Variants in OLA1 observed in about 807,000 individuals in gnomAD.
The protein encoded by OLA1 is Obg like ATPase 1.
In OLA1, 14 loss-of-function variants were observed where a neutral mutation model predicts 48.4. The observed-to-expected ratio is 0.29, with a 90% CI of 0.19 to 0.45. OLA1 has a LOEUF of 0.45. Among genes scored for constraint, OLA1 ranks in the 20% least tolerant of loss-of-function variants. The probability of loss-of-function intolerance (pLI) is 1.00; values close to 1 mark genes in which losing one functional copy is unlikely to be tolerated. For synonymous variants in OLA1, 127 were observed against 150.4 expected, an observed-to-expected ratio of 0.84 and a Z score of 1.14; for missense variants, 325 against 467.1, an observed-to-expected ratio of 0.70 and a Z score of 2.80.
At chr2:174,186,262 G>A (rs184229155) in intron 4 of OLA1, among the ~76,000 whole-genome samples, 21 of 152,192 alleles carry the variant, frequency 1.4e-4, no homozygotes, top group Non-Finnish European at 2.6e-4. Context: ...AGTTTGTATG[G>A]AAAAAATAAA....
chr2:174,221,222 G>A (rs1445519312), intron 4 of OLA1, among the ~76,000 whole-genome samples: 1 of 151,862 alleles, frequency 6.6e-6, no homozygotes, highest in East Asian at 1.9e-4. Flanking sequence ...TCTTTAGCCT[G>A]ACTTAAATAC....
chr2:174,149,691 G>A (rs1308216012), intron 4 of OLA1, among the ~76,000 whole-genome samples: 1 of 152,130 alleles, frequency 6.6e-6, no homozygotes, highest in African/African-American at 2.4e-5. Flanking sequence ...CATTCTGCAT[G>A]CTACTTATTT....
intron 4 of OLA1, among the ~76,000 whole-genome samples, chr2:174,195,772 T>C (rs983065288): frequency 2.0e-5 from 3 of 152,210 alleles, no homozygotes; most frequent in African/African-American, 7.2e-5. Flanking sequence ...ACCTTTTACC[T>C]GTTATTAAAA....
intron 4 of OLA1, among the ~76,000 whole-genome samples, chr2:174,162,453 G>A (rs1687032168): frequency 6.6e-6 from 1 of 152,104 alleles, no homozygotes; most frequent in Non-Finnish European, 1.5e-5. Context: ...TCCCATACCA[G>A]GCTACGAAGG....
chr2:174,119,272 T>C (rs1685854349), intron 7 of OLA1, among the ~76,000 whole-genome samples: 1 of 152,068 alleles, frequency 6.6e-6, no homozygotes, highest in Non-Finnish European at 1.5e-5. Context: ...CAAAAAATTA[T>C]TTGAAATCCT....
intron 4 of OLA1, among the ~76,000 whole-genome samples, chr2:174,150,833 C>A (rs1244162160): frequency 1.3e-5 from 2 of 152,034 alleles, no homozygotes; most frequent in African/African-American, 2.4e-5. Flanking sequence ...AAAGGGAGAG[C>A]AATATTCACT....
chr2:174,114,726 G>A (rs1302691850), intron 7 of OLA1, among the ~76,000 whole-genome samples: 1 of 152,164 alleles, frequency 6.6e-6, no homozygotes, highest in African/African-American at 2.4e-5. Context: ...TTAAAGTACT[G>A]AAAAGGCACT....
At chr2:174,132,951 A>C (rs948144711) in intron 5 of OLA1, among the ~76,000 whole-genome samples, 3 of 141,868 alleles carry the variant, frequency 2.1e-5, no homozygotes, top group Non-Finnish European at 4.8e-5. Context: ...TTAGTACTAC[A>C]GTTTTTGTTT....
rs143063656 is a variant in OLA1 at position 174,243,479 on chromosome 2, G to T, written c.101+3236C>A. Among the ~76,000 whole-genome samples the T allele has an allele frequency of 3.8e-3, 581 of 152,238 alleles. 2 individuals carry two copies. Among genetic ancestry groups the T allele is most frequent in the African/African-American group, 0.013 (555 of 41,546 alleles). ...ACTAAATCTACATCCAGCCGTCAAAGGGGAAATATGTATCCCATTAACAAA... is the reference window on the plus strand; with the variant it reads ...ACTAAATCTACATCCAGCCGTCAAATGGGAAATATGTATCCCATTAACAAA... On this transcript the variant is annotated intron_variant, in intron 2 of 10. Transcript: ENST00000284719.
chr2:174,162,915 C>T (rs1261097155), intron 4 of OLA1, among the ~76,000 whole-genome samples: 1 of 151,980 alleles, frequency 6.6e-6, no homozygotes, highest in Non-Finnish European at 1.5e-5. Context: ...TGTGGTGGAA[C>T]GTGTATGTAG....
intron 4 of OLA1, among the ~76,000 whole-genome samples, chr2:174,217,087 A>T (rs1260987473): frequency 1.3e-5 from 2 of 152,200 alleles, no homozygotes; most frequent in Admixed American, 6.5e-5. Flanking sequence ...TTTGGAATCA[A>T]GTTTAACAAA....
rs555306519 is a variant in OLA1 at position 174,184,639 on chromosome 2, T to C, written c.373+38394A>G. Among the ~76,000 whole-genome samples the C allele has an allele frequency of 2.6e-5, 4 of 152,326 alleles. No homozygotes were observed. In the South Asian group the frequency reaches 8.3e-4, roughly 32 times the overall value. ...AGTTTAGTTAACAGCAATATACCAA[T>C]GTTGGTTCCTTAGTTTTGACAAATG... On this transcript the variant is annotated intron_variant, in intron 4 of 10. Coordinates refer to ENST00000284719, the MANE Select transcript of OLA1 (RefSeq NM_013341.5).
chr2:174,131,861 T>C (rs191987220), intron 5 of OLA1, among the ~76,000 whole-genome samples: 123 of 152,226 alleles, frequency 8.1e-4, no homozygotes, highest in African/African-American at 2.4e-3. Context: ...GATTCACCTA[T>C]AATTTTTCTC....
intron 1 of OLA1, chr2:174,248,008 T>C (rs1689165914): frequency 6.6e-6 from 3 of 454,974 alleles, no homozygotes; most frequent in Non-Finnish European, 1.2e-5. Context: ...GCCCTTGCAG[T>C]AGTATTCCAG....
intron 7 of OLA1, among the ~76,000 whole-genome samples, chr2:174,116,438 A>T (rs1485366067): frequency 6.6e-6 from 1 of 152,240 alleles, no homozygotes; most frequent in Non-Finnish European, 1.5e-5. Flanking sequence ...TCAAATATAG[A>T]TATGCCAATT....
chr2:174,220,675 T>C (rs937953402), intron 4 of OLA1, among the ~76,000 whole-genome samples: 1 of 152,212 alleles, frequency 6.6e-6, no homozygotes, highest in Non-Finnish European at 1.5e-5. Context: ...AGATGAGTAT[T>C]TGCATTTTAA....
At position 174,073,475 on chromosome 2, in the gene OLA1, G is replaced by T. The variant is rs770408843; in HGVS notation, c.*1951C>A. ...GTTCTTGGAATTCTCGACTTTCAGA[G>T]AAAATGAAATTTTGTATATGTACAT... On this transcript the variant is annotated 3_prime_UTR_variant, in exon 11 of 11. Coordinates refer to ENST00000284719, the MANE Select transcript of OLA1 (RefSeq NM_013341.5). The T allele has an allele frequency of 6.6e-6, 1 of 152,154 alleles. No individual in the cohort carries two copies. The highest frequency in any genetic ancestry group is 1.5e-5 in the Non-Finnish European group (1 of 68,006). 9.4% of individuals were successfully genotyped at this position (152,154 alleles called of 1,614,324 possible). A position where few individuals can be genotyped will look rare whatever the true frequency, so the allele number is the denominator to read the frequency against.
intron 7 of OLA1, among the ~76,000 whole-genome samples, chr2:174,111,028 A>C (rs1685635868): frequency 6.6e-6 from 1 of 152,238 alleles, no homozygotes; most frequent in Non-Finnish European, 1.5e-5. Flanking sequence ...TATGATAAAT[A>C]AATTATATTT....
chr2:174,077,219 T>C (rs906590182), intron 10 of OLA1, among the ~76,000 whole-genome samples: 8 of 152,174 alleles, frequency 5.3e-5, no homozygotes, highest in African/African-American at 1.9e-4. Flanking sequence ...TTGCTAATAA[T>C]GTGATATCCC....
Sources: allele counts gnomAD v4.1 joint callset (sites outside exome capture counted in the v4.1 genomes callset), GRCh38; gene constraint gnomAD v4.1.1; transcripts MANE v1.5; gene names NCBI Gene and HGNC (gene_info 2026-07-23, HGNC 2026-07-21).